The following SEC61A2 variants were observed in gnomAD, a reference collection of about 807,000 sequenced individuals.
SEC61A2 encodes protein transport protein Sec61 subunit alpha isoform 2.
A neutral mutation model predicts 59.9 loss-of-function variants in SEC61A2; 28 were observed. The observed-to-expected ratio is 0.47, with a 90% CI of 0.35 to 0.64. SEC61A2 has a LOEUF of 0.64. Among genes scored for constraint, SEC61A2 ranks in the 30% least tolerant of loss-of-function variants. SEC61A2 has a pLI of 0.01. For synonymous variants in SEC61A2, 202 were observed against 214.4 expected, an observed-to-expected ratio of 0.94 and a Z score of 0.50; for missense variants, 340 against 585.9, an observed-to-expected ratio of 0.58 and a Z score of 4.33.
Position 12,161,146 on chromosome 10 carries a change from T to C in SEC61A2, c.1167+25T>C. 6.4e-7 allele frequency: 1 copy of C among 1,568,590 alleles called. No homozygotes were observed. The highest frequency in any genetic ancestry group is 2.3e-5 in the East Asian group (1 of 43,992). On this transcript the variant is annotated intron_variant, in intron 10 of 11. Coordinates refer to ENST00000298428, the MANE Select transcript of SEC61A2 (RefSeq NM_018144.4). This position sits in a 1 kb window ranked among gnomAD's most constrained non-coding sequence, Gnocchi z 5.4. The stretch of plus-strand genomic sequence containing the variant: ...TGTAAGTGTTTGGTTTATTTTAAAA[T>C]AAAACTCTTGGCAATGCATGGTGGC...
downstream of SEC61A2, chr10:12,167,910 C>G (rs1588651846): frequency 3.3e-6 from 5 of 1,531,636 alleles, no homozygotes; most frequent in East Asian, 1.2e-4. Flanking sequence ...CTATATGTCA[C>G]TTCCTATGCT....
At chr10:12,134,318 A>G (rs546336990) in intron 2 of SEC61A2, among the ~76,000 whole-genome samples, 50 of 144,388 alleles carry the variant, frequency 3.5e-4, no homozygotes, top group Admixed American at 2.4e-3. Context: ...GAAGTATTTT[A>G]TTGCTTTGAG....
At chr10:12,147,344 A>G (rs1294423497) in intron 4 of SEC61A2, among the ~76,000 whole-genome samples, 1 of 152,166 alleles carries the variant, frequency 6.6e-6, no homozygotes, top group Non-Finnish European at 1.5e-5. Flanking sequence ...CTACTCACCC[A>G]TATTTCCTTC....
downstream of SEC61A2, chr10:12,167,977 T>C: frequency 7.8e-7 from 1 of 1,282,096 alleles, no homozygotes; most frequent in Non-Finnish European, 1.0e-6. Flanking sequence ...ATAAAGACTA[T>C]AAAGGCAAGA....
chr10:12,158,300 T>G lies in SEC61A2; in HGVS notation c.975+195T>G, dbSNP rs987995048. The G allele has an allele frequency of 2.2e-5, 12 of 556,046 alleles. No individual in the cohort carries two copies. In the South Asian group the frequency reaches 2.4e-4, roughly 11 times the overall value. 34.4% of individuals were successfully genotyped at this position (556,046 alleles called of 1,614,324 possible). A position where few individuals can be genotyped will look rare whatever the true frequency, so the allele number is the denominator to read the frequency against. On this transcript the variant is annotated intron_variant, in intron 9 of 11. Coordinates refer to ENST00000298428, the MANE Select transcript of SEC61A2 (RefSeq NM_018144.4). This position sits in a 1 kb window ranked among gnomAD's most constrained non-coding sequence, Gnocchi z 5.7. ...AGTAAGATTGCCCAAGCGCTTTTTA[T>G]TATTTTGCTCTCTAGGAAGCACTTT...
At position 12,161,037 on chromosome 10, in the gene SEC61A2, C is replaced by T. The variant is rs779207158; in HGVS notation, c.1083C>T (p.Val361=). The change falls in exon 10 of 12, where the codon GTC becomes GTT. Residue 361 remains valine (V), a synonymous_variant. Coordinates refer to ENST00000298428, the MANE Select transcript of SEC61A2 (RefSeq NM_018144.4). This position sits in a 1 kb window ranked among gnomAD's most constrained non-coding sequence, Gnocchi z 5.4. ...CCATCTTTGAGGATCCTGTCCATGT[C>T]GTTGTTTATATCATCTTCATGTTGG... is the stretch of plus-strand genomic sequence containing the variant. ...MGAIFEDPVH[V]VVYIIFMLGS... is the part of the protein sequence containing the mutation. 9.3e-6 allele frequency: 15 copies of T among 1,613,988 alleles called. No homozygotes were observed. The highest frequency in any genetic ancestry group is 1.6e-4 in the Middle Eastern group (1 of 6,062).
chr10:12,150,797 C>T (rs1365498890), intron 6 of SEC61A2, among the ~76,000 whole-genome samples: 3 of 143,752 alleles, frequency 2.1e-5, no homozygotes, highest in Non-Finnish European at 3.0e-5. Flanking sequence ...TTTTTTGAGA[C>T]GGAGTCTCAC....
chr10:12,135,737 T>C (rs1244803000), intron 2 of SEC61A2, among the ~76,000 whole-genome samples: 1 of 152,224 alleles, frequency 6.6e-6, no homozygotes, highest in African/African-American at 2.4e-5. Flanking sequence ...TTCTGAGTTG[T>C]TTCACTTAAG....
chr10:12,132,679 C>T (rs1381529052), intron 1 of SEC61A2, among the ~76,000 whole-genome samples: 4 of 151,112 alleles, frequency 2.6e-5, no homozygotes, highest in Non-Finnish European at 5.9e-5. Flanking sequence ...CTATGCATTT[C>T]GGCATCTTTC....
Position 12,153,925 on chromosome 10 carries a change from C to A in SEC61A2, c.463-1853C>A. 1.1e-6 allele frequency: 1 copy of A among 940,166 alleles called. No individual in the cohort carries two copies. Among genetic ancestry groups the A allele is most frequent in the Non-Finnish European group, 1.5e-6 (1 of 663,872 alleles). The allele number at this position is 940,166 out of a possible 1,614,324, so 58.2% of individuals were successfully genotyped here. A position where few individuals can be genotyped will look rare whatever the true frequency, so the allele number is the denominator to read the frequency against. On this transcript the variant is annotated intron_variant, in intron 6 of 11. Coordinates refer to ENST00000298428, the MANE Select transcript of SEC61A2 (RefSeq NM_018144.4). The surrounding 1 kb of genome is among the most constrained non-coding windows in gnomAD (Gnocchi z 5.2). ...CTAGTGAGTTTAGAAATCTACATAG[C>A]AGGTCTTGACTAAAAATTTTAAAAA... is the stretch of plus-strand genomic sequence containing the variant.
chr10:12,161,755 A>G lies in SEC61A2; in HGVS notation c.1168-458A>G, dbSNP rs1294677648. Reference sequence around the variant, plus strand: ...ACTCCGTCTCCAAAATAAATAAATAAATAGATAAATAAAAAATTTTTAAAA... The same window carrying G: ...ACTCCGTCTCCAAAATAAATAAATAGATAGATAAATAAAAAATTTTTAAAA... On this transcript the variant is annotated intron_variant, in intron 10 of 11. Coordinates refer to ENST00000298428, the MANE Select transcript of SEC61A2 (RefSeq NM_018144.4). The surrounding 1 kb of genome is among the most constrained non-coding windows in gnomAD (Gnocchi z 5.4). Among the ~76,000 whole-genome samples, 5 of 152,284 alleles carry G rather than the reference A, an allele frequency of 3.3e-5. No individual in the cohort carries two copies. Among genetic ancestry groups the G allele is most frequent in the African/African-American group, 4.8e-5 (2 of 41,554 alleles).
intron 9 of SEC61A2, among the ~76,000 whole-genome samples, chr10:12,159,773 T>C (rs1325099409): frequency 1.3e-5 from 2 of 152,204 alleles, no homozygotes; most frequent in Non-Finnish European, 2.9e-5. Flanking sequence ...CACCAAAGAA[T>C]AGTATTTTTC....
chr10:12,162,101 A>G lies in SEC61A2; in HGVS notation c.1168-112A>G, dbSNP rs1834543439. ...CGAATGATATGACAATGCAACTTTC[A>G]GGTTATTGTATGTTACGTGTTAGTG... On this transcript the variant is annotated intron_variant, in intron 10 of 11. Transcript: ENST00000298428. The surrounding 1 kb of genome is among the most constrained non-coding windows in gnomAD (Gnocchi z 6.1). The G allele has an allele frequency of 1.2e-6, 1 of 801,806 alleles. No homozygotes were observed. Among genetic ancestry groups the G allele is most frequent in the African/African-American group, 1.7e-5 (1 of 58,582 alleles). The allele number at this position is 801,806 out of a possible 1,614,324, so 49.7% of individuals were successfully genotyped here. A position where few individuals can be genotyped will look rare whatever the true frequency, so the allele number is the denominator to read the frequency against.
At chr10:12,147,122 C>G (rs568782452) in intron 4 of SEC61A2, among the ~76,000 whole-genome samples, 13 of 152,208 alleles carry the variant, frequency 8.5e-5, no homozygotes, top group African/African-American at 2.2e-4. Flanking sequence ...AACTCCTGGC[C>G]TCAAGTGATC....
chr10:12,156,927 G>C lies in SEC61A2; in HGVS notation c.637G>C (p.Val213Leu), dbSNP rs1399213514. ...TACAGGTACTGAGTTTGAGGGTGCA[G>C]TCATAGCTCTGTTCCATTTGTTGGC... The part of the protein sequence containing the change: ...TGRGTEFEGA[V>L]IALFHLLATR... The change falls in exon 8 of 12, where the codon GTC becomes CTC. Residue 213 changes from valine to leucine, a missense_variant. Around this residue, in one of 3 missense-constraint regions of SEC61A2, gnomAD observed 283 missense variants for 483.2 expected, o/e 0.59. Coordinates refer to ENST00000298428, the MANE Select transcript of SEC61A2 (RefSeq NM_018144.4). The surrounding 1 kb of genome is among the most constrained non-coding windows in gnomAD (Gnocchi z 5.2). 2 of 1,613,840 alleles carry C rather than the reference G, an allele frequency of 1.2e-6. No individual in the cohort carries two copies. Among genetic ancestry groups the C allele is most frequent in the African/African-American group, 1.3e-5 (1 of 74,922 alleles).
Position 12,149,820 on chromosome 10 carries a change from G to C in SEC61A2, c.353-32G>C. ...AGTCTTTTCTTGTCTTTGGTGGTAA[G>C]CGTGCTCTCCTTTCCCCCCAACTTT... is the stretch of plus-strand genomic sequence containing the variant. On this transcript the variant is annotated intron_variant, in intron 5 of 11. Coordinates refer to ENST00000298428, the MANE Select transcript of SEC61A2 (RefSeq NM_018144.4). This position sits in a 1 kb window ranked among gnomAD's most constrained non-coding sequence, Gnocchi z 5.2. 6.2e-7 allele frequency: 1 copy of C among 1,609,584 alleles called. No individual in the cohort carries two copies. Among genetic ancestry groups the C allele is most frequent in the Admixed American group, 1.7e-5 (1 of 59,604 alleles).
At chr10:12,134,232 C>T (rs951803605) in intron 2 of SEC61A2, among the ~76,000 whole-genome samples, 1 of 152,242 alleles carries the variant, frequency 6.6e-6, no homozygotes, top group Non-Finnish European at 1.5e-5. Flanking sequence ...TGGTCTCGAT[C>T]TCCTGACCTT....
At chr10:12,165,453 T>G (rs1275074162), downstream of SEC61A2, 6 of 773,524 alleles carry the variant, frequency 7.8e-6, no homozygotes, top group Non-Finnish European at 9.4e-6. Context: ...TCATAAGAAG[T>G]CCACCCTGAG....
At chr10:12,167,204 C>T (rs991481460), downstream of SEC61A2, 8 of 159,118 alleles carry the variant, frequency 5.0e-5, no homozygotes, top group African/African-American at 1.9e-4. Flanking sequence ...GATTCAACTA[C>T]CCTAGATAAA....
Sources: gnomAD v4.1 joint callset for allele counts (sites outside exome capture counted in the v4.1 genomes callset) on GRCh38, gnomAD v4.1.1 for gene constraint, gnomAD v4.1.1 regional missense constraint, Gnocchi (gnomAD v3.1) non-coding constraint, MANE v1.5 for transcripts, NCBI Gene and HGNC (gene_info 2026-07-23, HGNC 2026-07-21) for gene names.